SMARCA4: variants seen among roughly 807,000 people sequenced by gnomAD.
SMARCA4 encodes SWI/SNF related BAF chromatin remodeling complex subunit ATPase 4.
SMARCA4 carries 31 observed loss-of-function variants against 193.9 expected under a neutral mutation model. That is an observed-to-expected ratio of 0.16 (90% CI 0.12 to 0.22). The LOEUF (loss-of-function observed/expected upper bound fraction) is 0.22, where lower values mean the gene tolerates loss of function less well. Ranked by LOEUF, SMARCA4 falls within the 10% of genes least tolerant of loss-of-function variation. The pLI is 1.00. For missense variants in SMARCA4, 1,148 were observed against 2,296.0 expected (o/e 0.50, Z 10.22); for synonymous variants, 942 against 933.1 (o/e 1.01, Z -0.17).
rs112315964 is a variant in SMARCA4, at chr19:10,996,624, C to G, written c.1812+80C>G. The G allele has an allele frequency of 8.2e-4, 1,098 of 1,344,304 alleles. 16 individuals are homozygous for G. The African/African-American group carries it at 0.013, about 16-fold the overall frequency. The allele number at this position is 1,344,304 out of a possible 1,614,324, so 83.3% of individuals were successfully genotyped here. ...TGTTTCAGACTTTAAAACCTGTGTT[C>G]TTTTAAAATTACGAACAATGATATG... On this transcript the variant is annotated intron_variant, in intron 11 of 34. Transcript: ENST00000344626.
In SMARCA4 at chr19:10,986,912, A is replaced by T. The variant is rs1599957054; in HGVS notation, c.768A>T (p.Gly256=). The T allele has an allele frequency of 6.2e-7, 1 of 1,611,138 alleles. No homozygotes were observed. Among genetic ancestry groups the T allele is most frequent in the Non-Finnish European group, 8.5e-7 (1 of 1,178,214 alleles). ...GTTTCTCCCTACATGTAGGTATGGG[A>T]GGGCCCAACATGCCTCCCCCAGGAC... is the stretch of plus-strand genomic sequence containing the variant. ...PPNYSRPHGM[G]GPNMPPPGPS... is the part of the protein sequence containing the mutation. The change falls in exon 5 of 35, where the codon GGA becomes GGT. Residue 256 remains glycine (G), a synonymous_variant. Transcript: ENST00000344626. This position sits in a 1 kb window ranked among gnomAD's most constrained non-coding sequence, Gnocchi z 6.7.
chr19:11,013,412 G>T (rs2089047587), intron 16 of SMARCA4, among the ~76,000 whole-genome samples: 1 of 152,168 alleles, frequency 6.6e-6, no homozygotes, highest in Non-Finnish European at 1.5e-5. Flanking sequence ...TTGGATGAGG[G>T]TGCATCCTAA....
rs558830521 is a variant in SMARCA4, at chr19:11,061,397, C to G, written c.4912-387C>G. On this transcript the variant is annotated intron_variant, in intron 34 of 34. Transcript: ENST00000344626. ...AGGGCCGAGTGTGGTCACAGGGACT[C>G]GTCCTGTAGAGAAACATGAAGTTTG... 3.9e-4 allele frequency among the ~76,000 whole-genome samples: 59 copies of G among 151,652 alleles called. No individual in the cohort carries two copies. The Middle Eastern group carries it at 0.01, about 26-fold the overall frequency.
At chr19:11,053,556 C>T (rs1013470546) in intron 30 of SMARCA4, among the ~76,000 whole-genome samples, 4 of 152,242 alleles carry the variant, frequency 2.6e-5, no homozygotes, top group Admixed American at 6.5e-5. Context: ...CTGTGGTTCC[C>T]TTCATGGAAC....
In SMARCA4 at chr19:11,061,786, C is replaced by CCGCT; in HGVS notation, c.4916_4919dup (p.Gly1641LeufsTer25). On this transcript the variant is annotated frameshift_variant, in exon 35 of 35. Coordinates refer to ENST00000344626, the MANE Select transcript of SMARCA4 (RefSeq NM_003072.5). LOFTEE classifies it high-confidence loss of function. Reference sequence around the variant, plus strand: ...CTCTCCTCCTGTCCCCTCTCCAGGACCGCTCAGGAAGTGGCAGCGAAGAAG... The same window carrying CCGCT: ...CTCTCCTCCTGTCCCCTCTCCAGGACCGCTCGCTCAGGAAGTGGCAGCGAAGAAG... The CCGCT allele has an allele frequency of 6.2e-7, 1 of 1,613,854 alleles. No individual in the cohort carries two copies. The highest frequency in any genetic ancestry group is 8.5e-7 in the Non-Finnish European group (1 of 1,179,990).
chr19:11,054,120 A>G (rs1013662326), intron 30 of SMARCA4, among the ~76,000 whole-genome samples: 1 of 152,160 alleles, frequency 6.6e-6, no homozygotes, highest in Non-Finnish European at 1.5e-5. Context: ...GACAAGCACC[A>G]CTCACGCTGG....
At chr19:11,012,870 C>T (rs1179350311) in intron 15 of SMARCA4, 79 bp from the exon 16 acceptor site, 1 of 1,401,648 alleles carries the variant, frequency 7.1e-7, no homozygotes, top group South Asian at 1.2e-5. Context: ...CTGGCGGTGT[C>T]TTGACTCTCT....
At position 10,991,200 on chromosome 19, in the gene SMARCA4, A is replaced by G. The variant is rs2145879180; in HGVS notation, c.1296A>G (p.Thr432=). The G allele has an allele frequency of 6.2e-7, 1 of 1,613,968 alleles. No homozygotes were observed. The highest frequency in any genetic ancestry group is 8.5e-7 in the Non-Finnish European group (1 of 1,180,042). Residue 432 remains threonine, a synonymous_variant, in exon 8 of 35, where the codon ACA becomes ACG. Transcript: ENST00000344626. The part of the protein sequence containing the change: ...VCMRRDTALE[T]ALNAKAYKRS... The stretch of plus-strand genomic sequence containing the variant: ...TGCGGAGGGACACAGCGCTGGAGAC[A>G]GCCCTCAATGCTAAGGCCTACAAGC...
In SMARCA4 at chr19:11,033,544, TC is replaced by T; in HGVS notation, c.3774+31del. ...TGAGCCCAGCACCGGCCCCGACCCC[TC>T]CCCAGCGTGAATGGTGGACGCGTGA... On this transcript the variant is annotated intron_variant, in intron 26 of 34. Coordinates refer to ENST00000344626, the MANE Select transcript of SMARCA4 (RefSeq NM_003072.5). This position sits in a 1 kb window ranked among gnomAD's most constrained non-coding sequence, Gnocchi z 9.8. The T allele has an allele frequency of 6.4e-7, 1 of 1,565,746 alleles. No homozygotes were observed. Among genetic ancestry groups the T allele is most frequent in the Non-Finnish European group, 8.8e-7 (1 of 1,137,062 alleles).
At chr19:10,992,185 C>T (rs953866812) in intron 8 of SMARCA4, among the ~76,000 whole-genome samples, 14 of 150,492 alleles carry the variant, frequency 9.3e-5, no homozygotes, top group African/African-American at 3.4e-4. Flanking sequence ...AATCTCGGCT[C>T]ACTGCAACCT....
At chr19:10,963,865 G>T (rs1294907117) in intron 1 of SMARCA4, among the ~76,000 whole-genome samples, 35 of 151,952 alleles carry the variant, frequency 2.3e-4, no homozygotes, top group Non-Finnish European at 2.9e-5. Context: ...GGGGCAGGAG[G>T]TACAGGCTGC....
Position 11,024,405 on chromosome 19 carries a change from G to T in SMARCA4, c.3048G>T (p.Val1016=). The T allele has an allele frequency of 6.2e-7, 1 of 1,612,964 alleles. No homozygotes were observed. The highest frequency in any genetic ancestry group is 1.7e-5 in the Admixed American group (1 of 60,030). ...ACCGCCACATGCAGGCCAAGGGCGTGCTGCTGACTGATGGCTCCGAGAAGG... is the reference window on the plus strand; with the variant it reads ...ACCGCCACATGCAGGCCAAGGGCGTTCTGCTGACTGATGGCTCCGAGAAGG... ...VLYRHMQAKG[V]LLTDGSEKDK... The change falls in exon 21 of 35, where the codon GTG becomes GTT. Residue 1016 remains valine, a synonymous_variant. Coordinates refer to ENST00000344626, the MANE Select transcript of SMARCA4 (RefSeq NM_003072.5).
chr19:11,021,381 A>G, intron 18 of SMARCA4: 1 of 396,998 alleles, frequency 2.5e-6, no homozygotes, highest in Non-Finnish European at 4.9e-6. Context: ...CCAGTCAGCA[A>G]GATGTGTCTT....
At chr19:11,035,625 G>A (rs909314805) in intron 29 of SMARCA4, among the ~76,000 whole-genome samples, 2 of 152,360 alleles carry the variant, frequency 1.3e-5, no homozygotes, top group South Asian at 4.1e-4. Context: ...GCCCCCAAGG[G>A]CCTCTGAACC....
At chr19:10,981,574 A>C (rs1286484691) in intron 1 of SMARCA4, among the ~76,000 whole-genome samples, 2 of 152,194 alleles carry the variant, frequency 1.3e-5, no homozygotes, top group Non-Finnish European at 2.9e-5. Flanking sequence ...GATTGGCTGG[A>C]GTGCCAGCCA....
intron 13 of SMARCA4, 96 bp from the exon 14 acceptor site, chr19:11,007,803 TAAG>T: frequency 2.3e-6 from 3 of 1,276,622 alleles, no homozygotes; most frequent in Admixed American, 3.4e-5. Flanking sequence ...GTGAGGGCTG[TAAG>T]AAGATCACTT....
At position 11,029,112 on chromosome 19, in the gene SMARCA4, G is replaced by A. The variant is rs143384651; in HGVS notation, c.3382+1162G>A. 3.3e-3 allele frequency among the ~76,000 whole-genome samples: 506 copies of A among 152,316 alleles called. 3 individuals are homozygous for A. Among genetic ancestry groups the A allele is most frequent in the African/African-American group, 0.011 (469 of 41,570 alleles). ...ACGAGTCTGTTGCAGGGGTCTCCCC[G>A]GCTTGCCTTCTTCCTTGGGGGCTTC... On this transcript the variant is annotated intron_variant, in intron 24 of 34. Coordinates refer to ENST00000344626, the MANE Select transcript of SMARCA4 (RefSeq NM_003072.5).
Position 11,046,025 on chromosome 19 carries a change from C to T in SMARCA4, c.4424+4465C>T, listed in dbSNP as rs1401008745. Among the ~76,000 whole-genome samples the T allele has an allele frequency of 3.9e-5, 6 of 152,132 alleles. No individual in the cohort carries two copies. In the East Asian group the frequency reaches 7.7e-4, roughly 20 times the overall value. On this transcript the variant is annotated intron_variant, in intron 30 of 34. Transcript: ENST00000344626. ...GATCACAAGGCCAGGAGATCAAGAC[C>T]ATGCTGGCTAACACAGTGAAACCCC...
At chr19:10,964,640 G>T (rs1318873609) in intron 1 of SMARCA4, among the ~76,000 whole-genome samples, 1 of 147,942 alleles carries the variant, frequency 6.8e-6, no homozygotes, top group African/African-American at 2.5e-5. Flanking sequence ...TTTCTTATGA[G>T]ACAGAGTCAT....
Sources: gnomAD v4.1 joint callset for allele counts (sites outside exome capture counted in the v4.1 genomes callset) on GRCh38, gnomAD v4.1.1 for gene constraint, Gnocchi (gnomAD v3.1) non-coding constraint, MANE v1.5 for transcripts, NCBI Gene and HGNC (gene_info 2026-07-23, HGNC 2026-07-21) for gene names.